Variants in ATAD3B observed in about 807,000 individuals in gnomAD.
ATAD3B encodes ATPase family AAA domain containing 3B, also known as ATPase family AAA domain-containing protein 3B.
A neutral mutation model predicts 70.2 loss-of-function variants in ATAD3B; 59 were observed. The observed-to-expected ratio is 0.84, with a 90% CI of 0.68 to 1.04. The LOEUF is 1.04. Among genes scored for constraint, ATAD3B ranks in the 50% least tolerant of loss-of-function variants. The probability of loss-of-function intolerance (pLI) is 0.00; values close to 1 mark genes in which losing one functional copy is unlikely to be tolerated. For missense variants in ATAD3B, 961 were observed against 913.4 expected (o/e 1.05, Z -0.67); for synonymous variants, 423 against 388.6 (o/e 1.09, Z -1.04).
rs2100609669 is a variant in ATAD3B at position 1,497,057 on chromosome 1, G to C, written c.*1240G>C. The C allele has an allele frequency of 6.6e-6, 1 of 150,930 alleles. No homozygotes were observed. Among genetic ancestry groups the C allele is most frequent in the South Asian group, 2.1e-4 (1 of 4,754 alleles). 9.3% of individuals were successfully genotyped at this position (150,930 alleles called of 1,614,324 possible). ...CTTTGTGTCCTTAGGAAGGGTGTAG[G>C]CTGTTGGTTGAAGTAGGAAACAGAA... On this transcript the variant is annotated 3_prime_UTR_variant, in exon 16 of 16. Transcript: ENST00000673477.
At chr1:1,479,402 A>C (rs1472223851) in intron 4 of ATAD3B, among the ~76,000 whole-genome samples, 2 of 144,310 alleles carry the variant, frequency 1.4e-5, no homozygotes, top group African/African-American at 2.6e-5. Flanking sequence ...ATGGGCACAC[A>C]CACACCCCTG....
At chr1:1,506,300 C>T in the ATAD3B span, among the ~76,000 whole-genome samples, 5 of 151,702 alleles carry the variant, frequency 3.3e-5, no homozygotes, top group Non-Finnish European at 7.4e-5. Context: ...TCCATATCAA[C>T]GTATTAATGC....
the ATAD3B span, chr1:1,509,110 C>T: frequency 2.0e-6 from 3 of 1,485,336 alleles, no homozygotes; most frequent in South Asian, 1.4e-5. Flanking sequence ...TCCTGGAGCC[C>T]CTGGTTTGGT....
chr1:1,487,229 G>A (rs990013227), intron 11 of ATAD3B, among the ~76,000 whole-genome samples: 5 of 151,886 alleles, frequency 3.3e-5, no homozygotes, highest in East Asian at 1.9e-4. Flanking sequence ...GGTGGCTCAC[G>A]GCTGTAATCC....
chr1:1,483,135 AG>A (rs997934891), intron 7 of ATAD3B: 2 of 406,136 alleles, frequency 4.9e-6, no homozygotes, highest in African/African-American at 4.2e-5. Context: ...ACTAAAAAAA[AG>A]AAAAAAAAAG....
intron 1 of ATAD3B, among the ~76,000 whole-genome samples, chr1:1,476,533 C>T (rs527262159): frequency 1.3e-5 from 2 of 150,900 alleles, no homozygotes; most frequent in African/African-American, 2.4e-5. Flanking sequence ...TTTTTTGAGA[C>T]GGACTCTTGC....
chr1:1,503,562 C>T, the ATAD3B span: 3 of 1,602,992 alleles, frequency 1.9e-6, no homozygotes, highest in Admixed American at 1.7e-5. Context: ...AACACCCGCC[C>T]TCTGTGCCCC....
At chr1:1,499,929 C>G (rs1334061625), downstream of ATAD3B, among the ~76,000 whole-genome samples, 1 of 138,038 alleles carries the variant, frequency 7.2e-6, no homozygotes, top group Admixed American at 7.4e-5. Context: ...GAGTCTTGCT[C>G]TGTTGCCCAG....
rs953713325 is a variant in ATAD3B, at chr1:1,473,795, G to T, written c.205+1706G>T. 1.4e-4 allele frequency among the ~76,000 whole-genome samples: 21 copies of T among 152,120 alleles called. 1 individual carries two copies. The highest frequency in any genetic ancestry group is 5.1e-4 in the African/African-American group (21 of 41,536). On this transcript the variant is annotated intron_variant, in intron 1 of 15. Transcript: ENST00000673477. ...AGTCCTGAGCCACCGCACCCTGCCA[G>T]CAGGGGTTCCTTTTTAGAAAGAAGA...
intron 4 of ATAD3B, among the ~76,000 whole-genome samples, chr1:1,479,313 GAC>G (rs1433312177): frequency 2.0e-5 from 3 of 147,762 alleles, no homozygotes; most frequent in Non-Finnish European, 3.0e-5. Context: ...TGTACACGGA[GAC>G]ACAGGCACCT....
rs577199359 is a variant in ATAD3B at position 1,495,607 on chromosome 1, C to G, written c.1737C>G (p.Arg579=). The G allele has an allele frequency of 6.2e-7, 1 of 1,613,080 alleles. No homozygotes were observed. The highest frequency in any genetic ancestry group is 8.5e-7 in the Non-Finnish European group (1 of 1,179,484). ...MRWLKAEGPG[R]GVEHPLSGVQ... ...GGCTGAAGGCGGAGGGGCCTGGGCG[C>G]GGGGTCGAGCACCCCCTATCCGGAG... is the stretch of plus-strand genomic sequence containing the variant. The change falls in exon 16 of 16, where the codon CGC becomes CGG. Residue 579 remains arginine (R), a synonymous_variant. Coordinates refer to ENST00000673477, the MANE Select transcript of ATAD3B (RefSeq NM_031921.6).
intron 11 of ATAD3B, among the ~76,000 whole-genome samples, chr1:1,487,545 G>T (rs1011509160): frequency 6.6e-6 from 1 of 151,714 alleles, no homozygotes; most frequent in Non-Finnish European, 1.5e-5. Flanking sequence ...GCACTGGGTC[G>T]CTGTGTGGGT....
chr1:1,498,835 CTT>C (rs1277915268), downstream of ATAD3B, among the ~76,000 whole-genome samples: 2 of 151,854 alleles, frequency 1.3e-5, no homozygotes, highest in African/African-American at 4.8e-5. Context: ...CGAATGTTAA[CTT>C]TTCTCAGCTG....
At chr1:1,493,289 T>G (rs1464468480) in intron 15 of ATAD3B, among the ~76,000 whole-genome samples, 1 of 151,956 alleles carries the variant, frequency 6.6e-6, no homozygotes, top group African/African-American at 2.4e-5. Flanking sequence ...ATATGTGGAA[T>G]AGAAGTGGTC....
At chr1:1,477,125 T>C (rs1411349242) in intron 1 of ATAD3B, 149 bp from the exon 2 acceptor site, 15 of 1,051,802 alleles carry the variant, frequency 1.4e-5, no homozygotes, top group South Asian at 9.2e-5. Flanking sequence ...TCCTCCCACC[T>C]GAGCCTCAGA....
At chr1:1,499,743 C>T (rs1468376892), downstream of ATAD3B, among the ~76,000 whole-genome samples, 2 of 149,374 alleles carry the variant, frequency 1.3e-5, no homozygotes, top group African/African-American at 2.5e-5. Flanking sequence ...TATAGGCATG[C>T]GCCACCAAGC....
chr1:1,477,189 T>G (rs1447497752), intron 1 of ATAD3B, 85 bp from the exon 2 acceptor site: 2 of 1,537,136 alleles, frequency 1.3e-6, no homozygotes, highest in Admixed American at 1.9e-5. Context: ...TTTGTATTTT[T>G]AGTAGAGGTT....
chr1:1,480,805 A>G, intron 4 of ATAD3B, 62 bp from the exon 5 acceptor site: 8 of 1,590,502 alleles, frequency 5.0e-6, no homozygotes, highest in Non-Finnish European at 6.8e-6. Flanking sequence ...CAACCTCTGG[A>G]TTGGTGTTGA....
chr1:1,486,026 G>T (rs568244447), intron 9 of ATAD3B, 84 bp from the exon 10 acceptor site: 1 of 1,603,826 alleles, frequency 6.2e-7, no homozygotes, highest in Non-Finnish European at 8.5e-7. Context: ...AGCAGAGTCC[G>T]CACCCGGGCA....
Sources: gnomAD v4.1 joint callset for allele counts (sites outside exome capture counted in the v4.1 genomes callset) on GRCh38, gnomAD v4.1.1 for gene constraint, MANE v1.5 for transcripts, NCBI Gene and HGNC (gene_info 2026-07-23, HGNC 2026-07-21) for gene names.